Variants in AKT3 observed in about 807,000 individuals in gnomAD.
AKT3 encodes RAC-gamma serine/threonine-protein kinase.
In AKT3, 15 loss-of-function variants were observed where a neutral mutation model predicts 65.3. The observed-to-expected ratio is 0.23, with a 90% CI of 0.15 to 0.35. The LOEUF is 0.35. AKT3 is among the 10% of genes least tolerant of loss of function. The pLI is 1.00. For missense variants in AKT3, 243 were observed against 576.5 expected (o/e 0.42, Z 5.92); for synonymous variants, 206 against 183.8 (o/e 1.12, Z -0.98).
chr1:243,835,831 A>T (rs555664426), intron 2 of AKT3, among the ~76,000 whole-genome samples: 62 of 151,988 alleles, frequency 4.1e-4, no homozygotes, highest in African/African-American at 8.0e-4. Flanking sequence ...GTATTTTTTT[A>T]AAAAAATAAC....
intron 12 of AKT3, among the ~76,000 whole-genome samples, chr1:243,521,823 AT>A (rs1053109814): frequency 6.6e-6 from 1 of 152,228 alleles, no homozygotes; most frequent in African/African-American, 2.4e-5. Context: ...GATATGGATG[AT>A]TTGCATTACT....
intron 4 of AKT3, among the ~76,000 whole-genome samples, chr1:243,658,959 G>A (rs938852021): frequency 6.6e-6 from 1 of 151,606 alleles, no homozygotes; most frequent in African/African-American, 2.4e-5. Context: ...TTGGGCCTGA[G>A]TTCCAGGCTG....
chr1:243,744,466 G>A (rs1051378912), intron 2 of AKT3, among the ~76,000 whole-genome samples: 6 of 152,090 alleles, frequency 3.9e-5, no homozygotes, highest in African/African-American at 9.7e-5. Context: ...TTGGCCGGGC[G>A]CGGTGGCTCA....
chr1:243,574,936 A>G (rs963202030), intron 8 of AKT3, among the ~76,000 whole-genome samples: 4 of 152,160 alleles, frequency 2.6e-5, no homozygotes, highest in Non-Finnish European at 4.4e-5. Context: ...GATATAATAT[A>G]TGCAAGATTC....
At chr1:243,744,183 CAAA>C (rs1161931914) in intron 2 of AKT3, among the ~76,000 whole-genome samples, 1 of 152,146 alleles carries the variant, frequency 6.6e-6, no homozygotes, top group African/African-American at 2.4e-5. Flanking sequence ...ATAAATCTCA[CAAA>C]TAAAATTTTG....
intron 2 of AKT3, among the ~76,000 whole-genome samples, chr1:243,816,389 G>A (rs1693522427): frequency 1.3e-5 from 2 of 152,294 alleles, no homozygotes; most frequent in South Asian, 2.1e-4. Flanking sequence ...AAAGGGGATA[G>A]CTGGTCATGT....
rs138298496 is a variant in AKT3, at chr1:243,805,193, C to T, written c.46+37932G>A. 1.5e-4 allele frequency among the ~76,000 whole-genome samples: 23 copies of T among 152,094 alleles called. No individual in the cohort carries two copies. In the East Asian group the frequency reaches 4.4e-3, roughly 29 times the overall value. ...TCACAGAGAAATTCCCTCTTTTTTCCTCTTCTGTTCCTCAGTAATTCTTCC... is the reference window on the plus strand; with the variant it reads ...TCACAGAGAAATTCCCTCTTTTTTCTTCTTCTGTTCCTCAGTAATTCTTCC... On this transcript the variant is annotated intron_variant, in intron 2 of 13. Transcript: ENST00000673466.
intron 8 of AKT3, among the ~76,000 whole-genome samples, chr1:243,573,940 G>T (rs1490752211): frequency 6.6e-6 from 1 of 152,142 alleles, no homozygotes. Context: ...CAGGCACTGT[G>T]AATTGACTAT....
At chr1:243,552,245 C>T (rs1400189194) in intron 11 of AKT3, among the ~76,000 whole-genome samples, 8 of 134,256 alleles carry the variant, frequency 6.0e-5, no homozygotes, top group African/African-American at 2.0e-4. Flanking sequence ...GTCAAGATCG[C>T]GCCACTGCAC....
intron 3 of AKT3, among the ~76,000 whole-genome samples, chr1:243,665,763 A>G (rs970432243): frequency 1.3e-5 from 2 of 152,296 alleles, no homozygotes; most frequent in Non-Finnish European, 1.5e-5. Flanking sequence ...ACAAACATTA[A>G]CTATTATTTG....
At chr1:243,604,010 C>G (rs904256469) in intron 8 of AKT3, among the ~76,000 whole-genome samples, 3 of 151,816 alleles carry the variant, frequency 2.0e-5, no homozygotes, top group Admixed American at 2.0e-4. Context: ...ATTCTCCTGC[C>G]TCAGCCTCCC....
chr1:243,645,770 G>T, intron 5 of AKT3, 123 bp downstream of exon 5: 1 of 962,900 alleles, frequency 1.0e-6, no homozygotes, highest in Non-Finnish European at 1.5e-6. Context: ...ATGTGAATAA[G>T]ACCCACCAAT....
intron 2 of AKT3, among the ~76,000 whole-genome samples, chr1:243,827,374 TAACC>T (rs993140783): frequency 3.3e-5 from 5 of 152,188 alleles, no homozygotes; most frequent in African/African-American, 1.2e-4. Context: ...TATCACCTAT[TAACC>T]ACATCAAATG....
At chr1:243,729,297 T>C (rs1687400694) in intron 2 of AKT3, among the ~76,000 whole-genome samples, 2 of 152,260 alleles carry the variant, frequency 1.3e-5, no homozygotes, top group South Asian at 2.1e-4. Flanking sequence ...TGCACCTTTA[T>C]ATGCCGGTGT....
intron 5 of AKT3, among the ~76,000 whole-genome samples, chr1:243,640,874 T>C (rs1457609871): frequency 6.6e-6 from 1 of 152,098 alleles, no homozygotes; most frequent in Non-Finnish European, 1.5e-5. Flanking sequence ...TAATACTGAG[T>C]GTCAATTTGA....
intron 5 of AKT3, among the ~76,000 whole-genome samples, chr1:243,640,330 T>C (rs796209368): frequency 9.8e-5 from 15 of 152,340 alleles, no homozygotes; most frequent in Non-Finnish European, 1.8e-4. Context: ...TCTGCAAAGA[T>C]GGCTGCCACA....
chr1:243,828,538 T>C (rs1000781192), intron 2 of AKT3, among the ~76,000 whole-genome samples: 2 of 152,126 alleles, frequency 1.3e-5, no homozygotes, highest in African/African-American at 4.8e-5. Flanking sequence ...ATACCAACCC[T>C]TTCTCTTCCT....
intron 3 of AKT3, among the ~76,000 whole-genome samples, chr1:243,679,989 CAT>C (rs1415761852): frequency 7.2e-5 from 11 of 152,124 alleles, no homozygotes; most frequent in Admixed American, 5.9e-4. Context: ...AAGATTATTA[CAT>C]GTTTATTTTT....
At chr1:243,608,663 A>T (rs1436972333) in intron 8 of AKT3, among the ~76,000 whole-genome samples, 1 of 136,084 alleles carries the variant, frequency 7.3e-6, no homozygotes, top group Non-Finnish European at 1.5e-5. Context: ...ACGTGTGTTT[A>T]TTGTTTCCCT....
Sources: allele counts gnomAD v4.1 joint callset (sites outside exome capture counted in the v4.1 genomes callset), GRCh38; gene constraint gnomAD v4.1.1; transcripts MANE v1.5; gene names NCBI Gene and HGNC (gene_info 2026-07-23, HGNC 2026-07-21).